EIF2B3: variants seen among roughly 807,000 people sequenced by gnomAD.
The protein encoded by EIF2B3 is eukaryotic translation initiation factor 2B subunit gamma, also known as translation initiation factor eIF2B subunit gamma.
In EIF2B3, 20 loss-of-function variants were observed where a neutral mutation model predicts 54.1. That is an observed-to-expected ratio of 0.37 (90% CI 0.26 to 0.54). The LOEUF (loss-of-function observed/expected upper bound fraction) is 0.54. EIF2B3 is among the 20% of genes least tolerant of loss of function. The pLI, the probability that EIF2B3 is intolerant of heterozygous loss-of-function variation, is 0.86. For missense variants in EIF2B3, 448 were observed against 547.8 expected (o/e 0.82, Z 1.82); for synonymous variants, 153 against 188.1 (o/e 0.81, Z 1.52).
chr1:44,946,627 C>CTTCT (rs1644105135), intron 3 of EIF2B3, among the ~76,000 whole-genome samples: 1 of 131,870 alleles, frequency 7.6e-6, no homozygotes, highest in African/African-American at 2.8e-5. Flanking sequence ...TCTTCTTCTT[C>CTTCT]TTTTTTTTTT....
rs971169619 is a variant in EIF2B3 at position 44,854,007 on chromosome 1, G to GT, written c.1307-3005dup. Reference sequence around the variant, plus strand: ...TTAGCAGTTAGTGTTTTTTTTTTTTGTTTTTTTTTTTTCTGAATGGAGTCT... The same window carrying GT: ...TTAGCAGTTAGTGTTTTTTTTTTTTGTTTTTTTTTTTTTCTGAATGGAGTCT... On this transcript the variant is annotated intron_variant, in intron 11 of 11. Coordinates refer to ENST00000360403, the MANE Select transcript of EIF2B3 (RefSeq NM_020365.5). Among the ~76,000 whole-genome samples, 912 of 134,454 alleles carry GT rather than the reference G, an allele frequency of 6.8e-3. 13 individuals carry two copies. Among genetic ancestry groups the GT allele is most frequent in the Admixed American group, 0.031 (419 of 13,460 alleles). 88.2% of individuals were successfully genotyped at this position (134,454 alleles called of 152,430 possible). A position where few individuals can be genotyped will look rare whatever the true frequency, so the allele number is the denominator to read the frequency against.
At chr1:44,970,816 C>T (rs953162403) in intron 3 of EIF2B3, among the ~76,000 whole-genome samples, 3 of 152,138 alleles carry the variant, frequency 2.0e-5, no homozygotes, top group Admixed American at 2.0e-4. Flanking sequence ...AACAGTTAGC[C>T]TTGTTGCCTT....
At position 44,972,274 on chromosome 1, in the gene EIF2B3, CACACAAACACACACAT is replaced by C. The variant is rs1353400984; in HGVS notation, c.294+6025_294+6040del. Among the ~76,000 whole-genome samples the C allele has an allele frequency of 4.0e-4, 31 of 78,032 alleles. 1 individual carries two copies. Among genetic ancestry groups the C allele is most frequent in the African/African-American group, 1.8e-3 (29 of 15,838 alleles). The allele number at this position is 78,032 out of a possible 152,430, so 51.2% of individuals were successfully genotyped here. A position where few individuals can be genotyped will look rare whatever the true frequency, so the allele number is the denominator to read the frequency against. Reference sequence around the variant, plus strand: ...AAACACACACACACACACATATACACACACAAACACACACATGTATATACACACACACACATATATA... The same window carrying C: ...AAACACACACACACACACATATACACGTATATACACACACACACATATATA... On this transcript the variant is annotated intron_variant, in intron 3 of 11. Transcript: ENST00000360403.
At chr1:44,876,284 C>T (rs989749870) in intron 8 of EIF2B3, among the ~76,000 whole-genome samples, 1 of 150,382 alleles carries the variant, frequency 6.6e-6, no homozygotes, top group Non-Finnish European at 1.5e-5. Flanking sequence ...CGCTGCCATC[C>T]CATCTAGGAA....
intron 3 of EIF2B3, chr1:44,969,955 T>C (rs961138896): frequency 1.3e-5 from 2 of 152,142 alleles, no homozygotes; most frequent in East Asian, 1.9e-4. Context: ...TCAACGTCAG[T>C]TGTAAGAGTG....
At chr1:44,936,155 C>A (rs1006165502) in intron 4 of EIF2B3, among the ~76,000 whole-genome samples, 6 of 152,050 alleles carry the variant, frequency 3.9e-5, no homozygotes, top group Non-Finnish European at 5.9e-5. Context: ...CCCCGCACAG[C>A]CTTAGCTGGG....
At chr1:44,983,889 G>A (rs1476238728) in intron 1 of EIF2B3, among the ~76,000 whole-genome samples, 2 of 151,674 alleles carry the variant, frequency 1.3e-5, no homozygotes, top group Admixed American at 1.3e-4. Context: ...TGGATTTTTA[G>A]TAGAGACAGG....
At chr1:44,927,576 T>C (rs1194627444) in intron 4 of EIF2B3, among the ~76,000 whole-genome samples, 1 of 152,198 alleles carries the variant, frequency 6.6e-6, no homozygotes, top group Admixed American at 6.5e-5. Flanking sequence ...ATGAGTGTCC[T>C]ATAGCACATG....
At chr1:44,968,267 A>T (rs1231183901) in intron 3 of EIF2B3, among the ~76,000 whole-genome samples, 2 of 150,364 alleles carry the variant, frequency 1.3e-5, no homozygotes, top group East Asian at 4.0e-4. Flanking sequence ...TCAGAAGGCT[A>T]TGATGGGAGG....
chr1:44,985,418 C>A (rs1035339061), intron 1 of EIF2B3, among the ~76,000 whole-genome samples: 1 of 152,074 alleles, frequency 6.6e-6, no homozygotes, highest in Non-Finnish European at 1.5e-5. Context: ...GGTTTCATTG[C>A]ACGTATGTGT....
Position 44,940,419 on chromosome 1 carries a change from A to G in EIF2B3, c.454+1087T>C, listed in dbSNP as rs533358089. On this transcript the variant is annotated intron_variant, in intron 4 of 11. Transcript: ENST00000360403. ...GAATCCTAGGAAAATAAGTATCAAAATAAGTATGTTACAATCAAAATAAGT... is the reference window on the plus strand; with the variant it reads ...GAATCCTAGGAAAATAAGTATCAAAGTAAGTATGTTACAATCAAAATAAGT... 3.3e-5 allele frequency among the ~76,000 whole-genome samples: 5 copies of G among 151,506 alleles called. No individual in the cohort carries two copies. In the South Asian group the frequency reaches 6.3e-4, roughly 19 times the overall value.
intron 2 of EIF2B3, among the ~76,000 whole-genome samples, chr1:44,980,649 G>A (rs76368637): frequency 0.014 from 2,054 of 151,940 alleles, 55 homozygotes; most frequent in African/African-American, 0.047. Context: ...ATATAACCTG[G>A]TACTTACATC....
At chr1:44,854,090 C>T (rs1049634878) in intron 11 of EIF2B3, among the ~76,000 whole-genome samples, 9 of 151,468 alleles carry the variant, frequency 5.9e-5, no homozygotes, top group Admixed American at 2.0e-4. Flanking sequence ...GCAACCTCCG[C>T]CTCCCAGGTT....
chr1:44,966,867 G>T (rs995162476), intron 3 of EIF2B3, among the ~76,000 whole-genome samples: 4 of 152,114 alleles, frequency 2.6e-5, no homozygotes, highest in Non-Finnish European at 5.9e-5. Flanking sequence ...CTGTTGCCAG[G>T]CTGGAGTGCA....
intron 3 of EIF2B3, among the ~76,000 whole-genome samples, chr1:44,951,723 T>C (rs561221178): frequency 1.3e-5 from 2 of 152,174 alleles, no homozygotes; most frequent in East Asian, 3.9e-4. Context: ...CAATTAACTT[T>C]TACATTCTCA....
At chr1:44,959,728 T>C (rs1374358272) in intron 3 of EIF2B3, among the ~76,000 whole-genome samples, 1 of 152,246 alleles carries the variant, frequency 6.6e-6, no homozygotes, top group East Asian at 1.9e-4. Flanking sequence ...GTTTAGAGTC[T>C]GGTTTCTCTG....
chr1:44,897,238 T>G, intron 6 of EIF2B3, 117 bp downstream of exon 6: 1 of 737,530 alleles, frequency 1.4e-6, no homozygotes, highest in Non-Finnish European at 2.4e-6. Flanking sequence ...GAACTAACTG[T>G]GCTATTGTGC....
intron 3 of EIF2B3, among the ~76,000 whole-genome samples, chr1:44,973,875 T>C (rs994646603): frequency 6.6e-6 from 1 of 152,080 alleles, no homozygotes; most frequent in Non-Finnish European, 1.5e-5. Flanking sequence ...GTTATAGAGA[T>C]GGAGGGTGGT....
intron 4 of EIF2B3, among the ~76,000 whole-genome samples, chr1:44,938,381 T>C (rs1404741928): frequency 2.0e-5 from 3 of 152,156 alleles, no homozygotes; most frequent in Admixed American, 6.6e-5. Flanking sequence ...GAGTGATGGC[T>C]GGTACCTGTA....
Sources: gnomAD v4.1 joint callset for allele counts (sites outside exome capture counted in the v4.1 genomes callset) on GRCh38, gnomAD v4.1.1 for gene constraint, MANE v1.5 for transcripts, NCBI Gene and HGNC (gene_info 2026-07-23, HGNC 2026-07-21) for gene names.